Variants in FTO observed in about 807,000 individuals in gnomAD.
FTO encodes FTO alpha-ketoglutarate dependent dioxygenase.
A neutral mutation model predicts 63.9 loss-of-function variants in FTO; 47 were observed. The observed-to-expected ratio is 0.74, with a 90% CI of 0.58 to 0.94. FTO has a LOEUF of 0.94. Among genes scored for constraint, FTO ranks in the 40% least tolerant of loss-of-function variants. The pLI is 0.00. For synonymous variants in FTO, 207 were observed against 224.4 expected, an observed-to-expected ratio of 0.92 and a Z score of 0.69; for missense variants, 562 against 618.1, an observed-to-expected ratio of 0.91 and a Z score of 0.96.
intron 8 of FTO, among the ~76,000 whole-genome samples, chr16:53,957,843 A>G (rs550129685): frequency 7.2e-4 from 109 of 152,332 alleles, no homozygotes; most frequent in African/African-American, 2.3e-3. Flanking sequence ...TCTTTTTGCT[A>G]TCAGTAACAA....
intron 1 of FTO, among the ~76,000 whole-genome samples, chr16:53,750,580 AAAG>A (rs1169163277): frequency 6.6e-6 from 1 of 152,230 alleles, no homozygotes; most frequent in Non-Finnish European, 1.5e-5. Flanking sequence ...AAAGAAAAAC[AAAG>A]AAGAAGAAGA....
Position 54,081,238 on chromosome 16 carries a change from A to G in FTO, c.1365-30524A>G, listed in dbSNP as rs953090703. Among the ~76,000 whole-genome samples, 3 of 152,196 alleles carry G rather than the reference A, an allele frequency of 2.0e-5. No individual in the cohort carries two copies. The East Asian group carries it at 5.8e-4, about 29-fold the overall frequency. On this transcript the variant is annotated intron_variant, in intron 8 of 8. Coordinates refer to ENST00000471389, the MANE Select transcript of FTO (RefSeq NM_001080432.3). Reference sequence around the variant, plus strand: ...GAGTCAGAGCACGTTGGAAAGTGATACGAGAACAGGGGCTTATGGTTACAG... The same window carrying G: ...GAGTCAGAGCACGTTGGAAAGTGATGCGAGAACAGGGGCTTATGGTTACAG...
chr16:54,075,300 A>G (rs2085966305), intron 8 of FTO, among the ~76,000 whole-genome samples: 1 of 152,196 alleles, frequency 6.6e-6, no homozygotes. Flanking sequence ...CGTACTTTTT[A>G]CTTTTAAAAA....
At chr16:53,860,715 G>T (rs892461359) in intron 4 of FTO, among the ~76,000 whole-genome samples, 4 of 152,016 alleles carry the variant, frequency 2.6e-5, no homozygotes, top group African/African-American at 4.8e-5. Flanking sequence ...ATGAGAAACC[G>T]CCATGATCCA....
intron 1 of FTO, among the ~76,000 whole-genome samples, chr16:53,745,879 A>G (rs1278314494): frequency 6.6e-6 from 1 of 152,186 alleles, no homozygotes; most frequent in Admixed American, 6.5e-5. Flanking sequence ...CTCTGAAGTC[A>G]GGAATGTGGT....
intron 7 of FTO, among the ~76,000 whole-genome samples, chr16:53,898,332 ACT>A (rs761257780): frequency 2.7e-5 from 4 of 150,804 alleles, no homozygotes; most frequent in Non-Finnish European, 5.9e-5. Flanking sequence ...AATTTACATG[ACT>A]CTCTCCCTCA....
intron 8 of FTO, among the ~76,000 whole-genome samples, chr16:53,970,447 G>A (rs570952511): frequency 1.3e-5 from 2 of 151,874 alleles, no homozygotes; most frequent in South Asian, 2.1e-4. Context: ...AAAATAAGCC[G>A]GTTGTGGTGG....
intron 7 of FTO, among the ~76,000 whole-genome samples, chr16:53,905,797 C>G (rs1439529098): frequency 6.6e-6 from 1 of 152,166 alleles, no homozygotes; most frequent in African/African-American, 2.4e-5. Context: ...AGTCATAACA[C>G]AACACATATT....
chr16:53,705,750 C>T (rs1424732440), intron 1 of FTO, among the ~76,000 whole-genome samples: 2 of 152,188 alleles, frequency 1.3e-5, no homozygotes, highest in African/African-American at 4.8e-5. Context: ...TGCAAAGAAA[C>T]AAATGTCACC....
At chr16:53,846,654 T>C (rs1057009468) in intron 4 of FTO, among the ~76,000 whole-genome samples, 1 of 151,898 alleles carries the variant, frequency 6.6e-6, no homozygotes, top group Non-Finnish European at 1.5e-5. Context: ...AATAAAAAAT[T>C]AGCTGGGTGT....
At chr16:53,991,427 G>T (rs1384047401) in intron 8 of FTO, 1 of 152,182 alleles carries the variant, frequency 6.6e-6, no homozygotes, top group Non-Finnish European at 1.5e-5. Flanking sequence ...CCAGGACAGA[G>T]TATCAGATCG....
intron 7 of FTO, among the ~76,000 whole-genome samples, chr16:53,896,155 T>C (rs7500471): frequency 1.3e-5 from 2 of 152,208 alleles, no homozygotes; most frequent in Non-Finnish European, 2.9e-5. Context: ...ATTTTAGCCT[T>C]GGCTGCTAGA....
intron 7 of FTO, among the ~76,000 whole-genome samples, chr16:53,897,452 G>A (rs977421062): frequency 1.3e-5 from 2 of 152,230 alleles, no homozygotes; most frequent in African/African-American, 2.4e-5. Context: ...ATCTGCATTG[G>A]TTATAAAGAC....
chr16:53,961,114 A>G (rs1254971034), intron 8 of FTO, among the ~76,000 whole-genome samples: 1 of 152,036 alleles, frequency 6.6e-6, no homozygotes. Context: ...ACGCCAGTGT[A>G]AATGAGAGAT....
At chr16:53,807,689 C>T (rs1306121632) in intron 1 of FTO, among the ~76,000 whole-genome samples, 5 of 152,118 alleles carry the variant, frequency 3.3e-5, no homozygotes, top group Non-Finnish European at 7.3e-5. Flanking sequence ...TTGAATTATT[C>T]AAGGCTTACC....
At chr16:53,751,382 C>T (rs867551707) in intron 1 of FTO, among the ~76,000 whole-genome samples, 3 of 151,898 alleles carry the variant, frequency 2.0e-5, no homozygotes, top group Non-Finnish European at 2.9e-5. Flanking sequence ...GGCATGAACC[C>T]GGGAGGCGAA....
intron 8 of FTO, among the ~76,000 whole-genome samples, chr16:54,032,012 T>C (rs2084843336): frequency 1.3e-5 from 2 of 152,130 alleles, no homozygotes; most frequent in Admixed American, 1.3e-4. Context: ...CTTAGACCAA[T>C]ATATGGGAGG....
chr16:53,716,232 A>T (rs2075892477), intron 1 of FTO, among the ~76,000 whole-genome samples: 1 of 152,202 alleles, frequency 6.6e-6, no homozygotes, highest in Non-Finnish European at 1.5e-5. Context: ...CTAGGGGGAT[A>T]GTCAAAGGAA....
chr16:53,796,593 A>C (rs1422068542), intron 1 of FTO, among the ~76,000 whole-genome samples: 1 of 152,230 alleles, frequency 6.6e-6, no homozygotes, highest in Non-Finnish European at 1.5e-5. Flanking sequence ...ACATTTGAGA[A>C]CTTAGATGAA....
Sources: gnomAD v4.1 joint callset for allele counts (sites outside exome capture counted in the v4.1 genomes callset) on GRCh38, gnomAD v4.1.1 for gene constraint, MANE v1.5 for transcripts, NCBI Gene and HGNC (gene_info 2026-07-23, HGNC 2026-07-21) for gene names.